Variants in TRIB2 observed in about 807,000 individuals in gnomAD.
TRIB2 encodes tribbles pseudokinase 2.
TRIB2 carries 2 observed loss-of-function variants against 26.8 expected under a neutral mutation model. The observed-to-expected ratio is 0.07, with a 90% confidence interval of 0.03 to 0.24. The LOEUF (loss-of-function observed/expected upper bound fraction) is 0.24, where lower values mean the gene tolerates loss of function less well. Among genes scored for constraint, TRIB2 ranks in the 10% least tolerant of loss-of-function variants. TRIB2 has a pLI of 1.00. For synonymous variants in TRIB2, 189 were observed against 187.3 expected, an observed-to-expected ratio of 1.01 and a Z score of -0.08; for missense variants, 306 against 449.0, an observed-to-expected ratio of 0.68 and a Z score of 2.88.
intron 2 of TRIB2, chr2:12,724,671 G>A: frequency 6.2e-7 from 1 of 1,612,836 alleles, no homozygotes; most frequent in Non-Finnish European, 8.5e-7. Context: ...CCCTGGTTTT[G>A]CCTTCGATAC....
At chr2:12,739,723 A>T (rs983630706) in intron 2 of TRIB2, among the ~76,000 whole-genome samples, 1 of 152,236 alleles carries the variant, frequency 6.6e-6, no homozygotes, top group African/African-American at 2.4e-5. Flanking sequence ...TCCATTTCCC[A>T]GCTAACAGGT....
intron 2 of TRIB2, among the ~76,000 whole-genome samples, chr2:12,726,203 T>G (rs923477864): frequency 2.6e-5 from 4 of 152,264 alleles, no homozygotes; most frequent in African/African-American, 9.6e-5. Context: ...AGAGCTTTTT[T>G]GTTTTTCTAA....
chr2:12,726,774 T>G (rs946502475), intron 2 of TRIB2, among the ~76,000 whole-genome samples: 4 of 152,226 alleles, frequency 2.6e-5, no homozygotes, highest in African/African-American at 7.2e-5. Flanking sequence ...GTGATGTGCT[T>G]CTTGAACTCT....
chr2:12,741,484 C>G lies in TRIB2; in HGVS notation c.*690C>G, dbSNP rs905203200. ...TTTAACAAGCTATTCTGTTTTGTGTCAATTGGTTCGTGGCAGGAAGCTATT... is the reference window on the plus strand; with the variant it reads ...TTTAACAAGCTATTCTGTTTTGTGTGAATTGGTTCGTGGCAGGAAGCTATT... On this transcript the variant is annotated 3_prime_UTR_variant, in exon 3 of 3. Transcript: ENST00000155926. 2 of 152,262 alleles carry G rather than the reference C, an allele frequency of 1.3e-5. No individual in the cohort carries two copies. The highest frequency in any genetic ancestry group is 2.9e-5 in the Non-Finnish European group (2 of 68,038). 9.4% of individuals were successfully genotyped at this position (152,262 alleles called of 1,614,324 possible). A position where few individuals can be genotyped will look rare whatever the true frequency, so the allele number is the denominator to read the frequency against.
intron 2 of TRIB2, among the ~76,000 whole-genome samples, chr2:12,727,830 ACAGT>A (rs1477524685): frequency 1.4e-4 from 18 of 126,070 alleles, no homozygotes; most frequent in Admixed American, 4.6e-4. Context: ...AAAATCTCAG[ACAGT>A]CTGTGTGTAG....
intron 2 of TRIB2, among the ~76,000 whole-genome samples, chr2:12,729,196 C>T (rs1215978917): frequency 1.3e-5 from 2 of 152,172 alleles, no homozygotes; most frequent in Non-Finnish European, 2.9e-5. Flanking sequence ...TCCCTTTCCT[C>T]ATCAGAGCTC....
At chr2:12,722,912 A>C (rs1661255328) in intron 1 of TRIB2, among the ~76,000 whole-genome samples, 1 of 152,202 alleles carries the variant, frequency 6.6e-6, no homozygotes, top group African/African-American at 2.4e-5. Flanking sequence ...CCTTAGTTCT[A>C]TAAACACGCA....
chr2:12,726,487 C>T (rs1263281112), intron 2 of TRIB2, among the ~76,000 whole-genome samples: 2 of 152,166 alleles, frequency 1.3e-5, no homozygotes, highest in South Asian at 2.1e-4. Flanking sequence ...CTCATTGGCT[C>T]CATGCTTGCT....
At position 12,740,906 on chromosome 2, in the gene TRIB2, T is replaced by A; in HGVS notation, c.*112T>A. On this transcript the variant is annotated 3_prime_UTR_variant, in exon 3 of 3. Transcript: ENST00000155926. The surrounding 1 kb of genome is among the most constrained non-coding windows in gnomAD (Gnocchi z 5.8). ...CTGAGTAGCAAGAAAGACACACTCT[T>A]AAGTTTCTTGGTTCAGAGCAGGAAA... 3 of 1,043,222 alleles carry A rather than the reference T, an allele frequency of 2.9e-6. No individual in the cohort carries two copies. Among genetic ancestry groups the A allele is most frequent in the Non-Finnish European group, 4.1e-6 (3 of 724,826 alleles). The allele number at this position is 1,043,222 out of a possible 1,614,324, so 64.6% of individuals were successfully genotyped here.
chr2:12,727,823 A>C (rs1558316884), intron 2 of TRIB2, among the ~76,000 whole-genome samples: 1 of 150,442 alleles, frequency 6.6e-6, no homozygotes, highest in Admixed American at 6.6e-5. Flanking sequence ...GTGTAGTAAA[A>C]TCTCAGACAG....
intron 2 of TRIB2, among the ~76,000 whole-genome samples, chr2:12,731,238 G>C (rs1315736498): frequency 6.6e-6 from 1 of 152,132 alleles, no homozygotes; most frequent in African/African-American, 2.4e-5. Context: ...GGGATGGGGA[G>C]GTCCCAGAAG....
intron 2 of TRIB2, among the ~76,000 whole-genome samples, chr2:12,724,404 G>T (rs879662043): frequency 6.6e-6 from 1 of 152,316 alleles, no homozygotes; most frequent in Non-Finnish European, 1.5e-5. Context: ...ACTCCTTCAA[G>T]CCCTTTTTGT....
At position 12,717,846 on chromosome 2, in the gene TRIB2, T is replaced by A. The variant is rs568203374; in HGVS notation, c.-462T>A. On this transcript the variant is annotated 5_prime_UTR_variant, in exon 1 of 3. Coordinates refer to ENST00000155926, the MANE Select transcript of TRIB2 (RefSeq NM_021643.4). The surrounding 1 kb of genome is among the most constrained non-coding windows in gnomAD (Gnocchi z 4.8). ...TGTTTGGCTTCTAACGCGTTGGGAC[T>A]GAGTCGCCGCCGTGAGCTCCCCGAA... 9.5e-4 allele frequency: 218 copies of A among 229,916 alleles called. No individual in the cohort carries two copies. The highest frequency in any genetic ancestry group is 2.2e-3 in the Admixed American group (41 of 18,440). 14.2% of individuals were successfully genotyped at this position (229,916 alleles called of 1,614,324 possible).
chr2:12,740,562 G>A lies in TRIB2; in HGVS notation c.800G>A (p.Arg267Gln), dbSNP rs1462560406. The change falls in exon 3 of 3, where the codon CGG (arginine) becomes CAG (glutamine). Residue 267 changes from arginine (R) to glutamine (Q), a missense_variant. Arg to Gln is a conservative substitution (Grantham distance 43, BLOSUM62 1). This residue lies in a region of TRIB2 where 78 missense variants were observed against 104.9 expected (regional missense o/e 0.74). Transcript: ENST00000155926. This position sits in a 1 kb window ranked among gnomAD's most constrained non-coding sequence, Gnocchi z 5.8. ...CCCAGCTCCCTCTTCAGCAAGATCC[G>A]GCGTGGCCAGTTCAACATTCCAGAG... is the stretch of plus-strand genomic sequence containing the variant. Reference protein sequence around the residue: ...IEPSSLFSKIRRGQFNIPETL... With the variant: ...IEPSSLFSKIQRGQFNIPETL... The A allele has an allele frequency of 5.6e-6, 9 of 1,614,060 alleles. No individual in the cohort carries two copies. Among genetic ancestry groups the A allele is most frequent in the African/African-American group, 2.7e-5 (2 of 74,916 alleles).
intron 2 of TRIB2, among the ~76,000 whole-genome samples, chr2:12,734,185 G>A (rs773837950): frequency 7.2e-5 from 11 of 152,212 alleles, no homozygotes; most frequent in Non-Finnish European, 1.6e-4. Flanking sequence ...GGCTGGCAGG[G>A]AGATGTCTCT....
At chr2:12,738,652 A>G (rs1661639354) in intron 2 of TRIB2, among the ~76,000 whole-genome samples, 1 of 152,152 alleles carries the variant, frequency 6.6e-6, no homozygotes, top group Non-Finnish European at 1.5e-5. Context: ...CTAACTTTCC[A>G]CTCAAAGAAC....
chr2:12,726,941 A>G (rs187236382), intron 2 of TRIB2, among the ~76,000 whole-genome samples: 1 of 152,306 alleles, frequency 6.6e-6, no homozygotes, highest in African/African-American at 2.4e-5. Flanking sequence ...ATCCATGGAA[A>G]CGTTGTTAGT....
chr2:12,738,553 C>T (rs1386304354), intron 2 of TRIB2, among the ~76,000 whole-genome samples: 1 of 152,116 alleles, frequency 6.6e-6, no homozygotes, highest in East Asian at 1.9e-4. Flanking sequence ...TTTTGAGACC[C>T]AAGGACTACC....
intron 2 of TRIB2, among the ~76,000 whole-genome samples, chr2:12,731,281 G>A (rs558836724): frequency 5.4e-4 from 82 of 152,260 alleles, no homozygotes; most frequent in African/African-American, 1.9e-3. Context: ...AAAGAGCCGT[G>A]TGTAGGGAGG....
Sources: gnomAD v4.1 joint callset for allele counts (sites outside exome capture counted in the v4.1 genomes callset) on GRCh38, gnomAD v4.1.1 for gene constraint, gnomAD v4.1.1 regional missense constraint, Gnocchi (gnomAD v3.1) non-coding constraint, MANE v1.5 for transcripts, NCBI Gene and HGNC (gene_info 2026-07-23, HGNC 2026-07-21) for gene names.